Variants in GFRA2 observed in about 807,000 individuals in gnomAD.
GFRA2 encodes the protein GDNF family receptor alpha 2, also known as GDNF family receptor alpha-2.
Under a neutral mutation model 48.3 loss-of-function variants are expected in GFRA2, and 17 were observed. The observed-to-expected ratio is 0.35, with a 90% CI of 0.24 to 0.53. The LOEUF (loss-of-function observed/expected upper bound fraction) is 0.53, where lower values mean the gene tolerates loss of function less well. Among genes scored for constraint, GFRA2 ranks in the 20% least tolerant of loss-of-function variants. GFRA2 has a pLI of 0.93. For missense variants in GFRA2, 660 were observed against 637.3 expected (o/e 1.04, Z -0.38); for synonymous variants, 305 against 257.2 (o/e 1.19, Z -1.78).
chr8:21,769,180 C>T (rs1222614995), intron 3 of GFRA2: 5 of 984,732 alleles, frequency 5.1e-6, no homozygotes, highest in Admixed American at 6.1e-5. Flanking sequence ...TGACCGTCTC[C>T]GGAACACACA....
At chr8:21,698,049 G>A (rs996509957) in intron 7 of GFRA2, among the ~76,000 whole-genome samples, 1 of 152,158 alleles carries the variant, frequency 6.6e-6, no homozygotes. Flanking sequence ...ATACACAGAG[G>A]GGAGAGAAGC....
Position 21,706,335 on chromosome 8 carries a change from G to A in GFRA2, c.795-294C>T, listed in dbSNP as rs549327203. ...GCACAGAAACAGCCTGCTCTAAATG[G>A]CTCTTTTAGGCTGGAGCCGGGTGGG... On this transcript the variant is annotated intron_variant, in intron 4 of 8. Coordinates refer to ENST00000524240, the MANE Select transcript of GFRA2 (RefSeq NM_001495.5). 5 of 535,106 alleles carry A rather than the reference G, an allele frequency of 9.3e-6. No homozygotes were observed. The East Asian group carries it at 1.9e-4, about 20-fold the overall frequency. The allele number at this position is 535,106 out of a possible 1,614,324, so 33.1% of individuals were successfully genotyped here.
Position 21,773,078 on chromosome 8 carries a change from A to G in GFRA2, c.439+1894T>C, listed in dbSNP as rs755912625. 3.6e-3 allele frequency among the ~76,000 whole-genome samples: 542 copies of G among 152,352 alleles called. 2 individuals are homozygous for G. The highest frequency in any genetic ancestry group is 5.4e-3 in the Non-Finnish European group (365 of 68,028). ...TCCTCAACCTGCTTCTGAGCCCCAG[A>G]GCACTGTCTCAGAAGGAATGGTCCC... On this transcript the variant is annotated intron_variant, in intron 3 of 8. Transcript: ENST00000524240.
At chr8:21,725,788 C>G (rs1176005677) in intron 4 of GFRA2, among the ~76,000 whole-genome samples, 1 of 152,188 alleles carries the variant, frequency 6.6e-6, no homozygotes, top group Non-Finnish European at 1.5e-5. Context: ...GCAGTGCAAG[C>G]CCAAGGCCCG....
Position 21,727,083 on chromosome 8 carries a change from C to T in GFRA2, c.795-21042G>A, listed in dbSNP as rs75188700. On this transcript the variant is annotated intron_variant, in intron 4 of 8. Transcript: ENST00000524240. ...CCTATTTTCAAACAAAGGCCACATT[C>T]TGAAGTTCCGGGTGGACATAAATGT... is the stretch of plus-strand genomic sequence containing the variant. 2.6e-5 allele frequency among the ~76,000 whole-genome samples: 4 copies of T among 152,292 alleles called. No individual in the cohort carries two copies. The East Asian group carries it at 7.7e-4, about 29-fold the overall frequency.
intron 2 of GFRA2, among the ~76,000 whole-genome samples, chr8:21,801,895 G>C (rs901888074): frequency 2.8e-4 from 43 of 152,336 alleles, no homozygotes; most frequent in African/African-American, 1.0e-3. Context: ...GCATGAATGG[G>C]ACTCGGGTGC....
At chr8:21,754,556 G>A (rs946865473) in intron 3 of GFRA2, among the ~76,000 whole-genome samples, 2 of 148,810 alleles carry the variant, frequency 1.3e-5, no homozygotes, top group African/African-American at 5.0e-5. Context: ...TCGCCCAGGC[G>A]GGAGTGCAAT....
chr8:21,734,072 A>C (rs959276268), intron 4 of GFRA2, among the ~76,000 whole-genome samples: 1 of 152,178 alleles, frequency 6.6e-6, no homozygotes, highest in Non-Finnish European at 1.5e-5. Flanking sequence ...GCCTCCACCG[A>C]AGGGCTCCCC....
intron 4 of GFRA2, among the ~76,000 whole-genome samples, chr8:21,747,030 G>A (rs1002673776): frequency 6.6e-6 from 1 of 152,048 alleles, no homozygotes; most frequent in African/African-American, 2.4e-5. Flanking sequence ...TCAGACACCT[G>A]AGCAGCTTGA....
chr8:21,705,614 A>G (rs1409951670), intron 5 of GFRA2, among the ~76,000 whole-genome samples: 1 of 152,216 alleles, frequency 6.6e-6, no homozygotes, highest in Non-Finnish European at 1.5e-5. Flanking sequence ...AGAATTCAGT[A>G]AGACAGTCCG....
At chr8:21,801,586 T>C (rs887592895) in intron 2 of GFRA2, among the ~76,000 whole-genome samples, 3 of 115,124 alleles carry the variant, frequency 2.6e-5, no homozygotes, top group African/African-American at 1.0e-4. Flanking sequence ...TGAGATCAAG[T>C]GAGAGCCTTC....
chr8:21,709,823 C>T (rs56152364), intron 4 of GFRA2, among the ~76,000 whole-genome samples: 19 of 152,322 alleles, frequency 1.2e-4, no homozygotes, highest in Non-Finnish European at 1.9e-4. Flanking sequence ...ACTGGCCTCA[C>T]CATCCATGCA....
chr8:21,787,273 A>AGGGGGGGGGGGGGT (rs1585344097), intron 1 of GFRA2, among the ~76,000 whole-genome samples: 1 of 51,808 alleles, frequency 1.9e-5, no homozygotes. Flanking sequence ...CGGGGGGGGC[A>AGGGGGGGGGGGGGT]GTGGGGGGGG....
intron 3 of GFRA2, among the ~76,000 whole-genome samples, chr8:21,760,310 G>A (rs956989597): frequency 2.0e-5 from 3 of 152,204 alleles, no homozygotes; most frequent in Non-Finnish European, 4.4e-5. Context: ...AAGCAGAAAA[G>A]GAGACCAGTC....
intron 8 of GFRA2, 81 bp downstream of exon 8, chr8:21,694,383 T>C: frequency 7.4e-7 from 1 of 1,359,754 alleles, no homozygotes. Context: ...TTGAGGGCGC[T>C]GGATCTGAGG....
At chr8:21,707,642 C>A (rs1802815233) in intron 4 of GFRA2, among the ~76,000 whole-genome samples, 1 of 152,210 alleles carries the variant, frequency 6.6e-6, no homozygotes, top group Non-Finnish European at 1.5e-5. Context: ...CCCTAACTCA[C>A]TGGGAGACCA....
chr8:21,728,498 C>G (rs547842388), intron 4 of GFRA2, among the ~76,000 whole-genome samples: 2 of 152,210 alleles, frequency 1.3e-5, no homozygotes, highest in South Asian at 4.2e-4. Context: ...TGGTCTCCAA[C>G]TCCTGACCTC....
At chr8:21,760,679 T>G (rs1398495412) in intron 3 of GFRA2, among the ~76,000 whole-genome samples, 1 of 152,136 alleles carries the variant, frequency 6.6e-6, no homozygotes, top group East Asian at 1.9e-4. Context: ...AGGTCTGGGC[T>G]AAAGACACAA....
At chr8:21,728,103 C>A (rs1352477614) in intron 4 of GFRA2, among the ~76,000 whole-genome samples, 1 of 152,002 alleles carries the variant, frequency 6.6e-6, no homozygotes, top group East Asian at 1.9e-4. Context: ...CAGGCCACCA[C>A]ACAGCACTGA....
Sources: allele counts gnomAD v4.1 joint callset (sites outside exome capture counted in the v4.1 genomes callset), GRCh38; gene constraint gnomAD v4.1.1; transcripts MANE v1.5; gene names NCBI Gene and HGNC (gene_info 2026-07-23, HGNC 2026-07-21).